The following CDH13 variants were observed in gnomAD, a reference collection of about 807,000 sequenced individuals.
CDH13 encodes the protein cadherin 13, also known as cadherin-13.
In CDH13, 24 loss-of-function variants were observed where a neutral mutation model predicts 63.8. The ratio of observed to expected loss-of-function variants is 0.38; its 90% CI spans 0.27 to 0.53. CDH13 has a LOEUF of 0.53. CDH13 is among the 20% of genes least tolerant of loss of function. The pLI, the probability that CDH13 is intolerant of heterozygous loss-of-function variation, is 0.85. For synonymous variants in CDH13, 503 were observed against 355.3 expected (o/e 1.42, Z -4.67); for missense variants, 1,049 against 903.1 (o/e 1.16, Z -2.07).
chr16:82,861,504 T>C (rs1426028127), intron 2 of CDH13, among the ~76,000 whole-genome samples: 1 of 152,206 alleles, frequency 6.6e-6, no homozygotes, highest in East Asian at 1.9e-4. Context: ...TTATGGGGAA[T>C]GTTTATTCTG....
intron 3 of CDH13, among the ~76,000 whole-genome samples, chr16:83,035,895 C>G (rs542423905): frequency 6.6e-6 from 1 of 152,164 alleles, no homozygotes; most frequent in Non-Finnish European, 1.5e-5. Context: ...GATGCTACAG[C>G]AATGACCAAC....
chr16:82,697,739 TTGTGTGTGTGTGTGTGTGTGTGTGTG>T (rs56791322), intron 1 of CDH13, among the ~76,000 whole-genome samples: 10 of 146,690 alleles, frequency 6.8e-5, no homozygotes, highest in South Asian at 2.2e-4. Flanking sequence ...GGCCGAGGCA[TTGTGTGTGTGTGTGTGTGTGTGTGTG>T]TGTGTGTGTG....
intron 7 of CDH13, among the ~76,000 whole-genome samples, chr16:83,550,709 T>G (rs1397200610): frequency 6.6e-6 from 1 of 152,218 alleles, no homozygotes; most frequent in Non-Finnish European, 1.5e-5. Flanking sequence ...ACATCTACTT[T>G]GTTCACTGTT....
intron 1 of CDH13, among the ~76,000 whole-genome samples, chr16:82,735,768 T>G (rs187830166): frequency 8.3e-4 from 126 of 152,356 alleles, no homozygotes; most frequent in African/African-American, 2.9e-3. Context: ...CTTCCCAAGT[T>G]GAACAGCAGC....
intron 6 of CDH13, among the ~76,000 whole-genome samples, chr16:83,375,851 GTA>G (rs979785585): frequency 1.3e-5 from 2 of 152,120 alleles, no homozygotes; most frequent in Admixed American, 6.5e-5. Flanking sequence ...TGACTTGAGG[GTA>G]GGCTATGGGG....
chr16:83,384,660 A>C (rs796714904), intron 6 of CDH13, among the ~76,000 whole-genome samples: 10 of 152,334 alleles, frequency 6.6e-5, no homozygotes, highest in African/African-American at 2.4e-4. Flanking sequence ...ATCCGAGGGT[A>C]TGGAGAGGGG....
intron 7 of CDH13, among the ~76,000 whole-genome samples, chr16:83,512,320 CAAAATAAA>C (rs1341838785): frequency 3.9e-5 from 4 of 102,312 alleles, no homozygotes; most frequent in Admixed American, 1.2e-4. Flanking sequence ...AACTCCGTCT[CAAAATAAA>C]TAAATAAATA....
At chr16:83,222,848 G>A (rs2039736508) in intron 5 of CDH13, among the ~76,000 whole-genome samples, 1 of 152,144 alleles carries the variant, frequency 6.6e-6, no homozygotes, top group South Asian at 2.1e-4. Context: ...ACCCACATAT[G>A]AAACTATTCT....
chr16:82,847,415 T>G (rs773714673), intron 1 of CDH13, among the ~76,000 whole-genome samples: 6 of 152,198 alleles, frequency 3.9e-5, no homozygotes, highest in Non-Finnish European at 8.8e-5. Context: ...CCACATTCCT[T>G]GACTCCTGGC....
intron 5 of CDH13, among the ~76,000 whole-genome samples, chr16:83,242,311 G>T (rs16959872): frequency 1.1e-4 from 17 of 152,148 alleles, no homozygotes; most frequent in African/African-American, 4.1e-4. Context: ...AAGATGGACA[G>T]ATTGCCATTT....
intron 5 of CDH13, among the ~76,000 whole-genome samples, chr16:83,300,271 C>G (rs1347590190): frequency 6.6e-6 from 1 of 152,196 alleles, no homozygotes; most frequent in Non-Finnish European, 1.5e-5. Context: ...CCTGGAAATT[C>G]ATAGATCATA....
chr16:83,076,011 G>T (rs996016553), intron 3 of CDH13, among the ~76,000 whole-genome samples: 1 of 152,194 alleles, frequency 6.6e-6, no homozygotes, highest in Non-Finnish European at 1.5e-5. Flanking sequence ...TGTGTTAAGG[G>T]AAGTATGCAA....
intron 4 of CDH13, among the ~76,000 whole-genome samples, chr16:83,130,958 T>C (rs11641086): frequency 0.46 from 69,985 of 152,056 alleles, 17,990 homozygotes; most frequent in Non-Finnish European, 0.57. Context: ...TAGAACTGAA[T>C]ACCCACAGCA....
chr16:83,110,028 A>T (rs1306850447), intron 3 of CDH13, among the ~76,000 whole-genome samples: 1 of 152,218 alleles, frequency 6.6e-6, no homozygotes, highest in Non-Finnish European at 1.5e-5. Context: ...TTTTTTAACT[A>T]GCGGTTCAAA....
At chr16:83,065,652 C>A (rs111469796) in intron 3 of CDH13, among the ~76,000 whole-genome samples, 9,020 of 150,542 alleles carry the variant, frequency 0.06, 298 homozygotes, top group African/African-American at 0.068. Context: ...TTGCAGTGAG[C>A]CAAGATCGTG....
intron 5 of CDH13, among the ~76,000 whole-genome samples, chr16:83,315,604 A>G (rs1343996482): frequency 6.6e-6 from 1 of 152,026 alleles, no homozygotes; most frequent in African/African-American, 2.4e-5. Flanking sequence ...CGGGGGAAAA[A>G]TAAAAGAATC....
intron 1 of CDH13, among the ~76,000 whole-genome samples, chr16:82,681,410 G>A (rs746666475): frequency 4.6e-5 from 7 of 152,190 alleles, no homozygotes; most frequent in Non-Finnish European, 8.8e-5. Context: ...TGGAAACGTT[G>A]TGAAGCTAGA....
intron 5 of CDH13, among the ~76,000 whole-genome samples, chr16:83,316,589 C>T (rs2151890664): frequency 6.6e-6 from 1 of 152,160 alleles, no homozygotes; most frequent in Non-Finnish European, 1.5e-5. Flanking sequence ...GTAGTGAGTG[C>T]TGCTGAGGGT....
intron 5 of CDH13, among the ~76,000 whole-genome samples, chr16:83,337,906 T>G (rs918770): frequency 2.6e-5 from 4 of 151,652 alleles, no homozygotes; most frequent in African/African-American, 9.7e-5. Context: ...AGCTACTAAG[T>G]AAATAGCTTA....
Sources: gnomAD v4.1 joint callset for allele counts (sites outside exome capture counted in the v4.1 genomes callset) on GRCh38, gnomAD v4.1.1 for gene constraint, MANE v1.5 for transcripts, NCBI Gene and HGNC (gene_info 2026-07-23, HGNC 2026-07-21) for gene names.